Variants in SLC7A2 observed in about 807,000 individuals in gnomAD.
SLC7A2 encodes cationic amino acid transporter 2.
SLC7A2 carries 48 observed loss-of-function variants against 58.9 expected under a neutral mutation model. The observed-to-expected ratio is 0.82, with a 90% CI of 0.65 to 1.04. SLC7A2 has a LOEUF of 1.04. Among genes scored for constraint, SLC7A2 ranks in the 50% least tolerant of loss-of-function variants. The pLI is 0.00. For synonymous variants in SLC7A2, 363 were observed against 314.5 expected, an observed-to-expected ratio of 1.15 and a Z score of -1.63; for missense variants, 1,029 against 818.8, an observed-to-expected ratio of 1.26 and a Z score of -3.13.
At chr8:17,537,870 TTTC>T (rs1801741886) in intron 2 of SLC7A2, among the ~76,000 whole-genome samples, 2 of 152,194 alleles carry the variant, frequency 1.3e-5, no homozygotes, top group African/African-American at 4.8e-5. Context: ...AGGGCTTTGC[TTTC>T]TTCATTTCAA....
At chr8:17,521,498 A>T (rs974146054) in intron 2 of SLC7A2, among the ~76,000 whole-genome samples, 32 of 152,192 alleles carry the variant, frequency 2.1e-4, no homozygotes, top group African/African-American at 7.2e-4. Context: ...GGGAGTTCTG[A>T]TGTTTCATTC....
At chr8:17,502,162 G>A (rs1177928231) in intron 1 of SLC7A2, 95 bp from the exon 2 acceptor site, 1 of 150,952 alleles carries the variant, frequency 6.6e-6, no homozygotes, top group Non-Finnish European at 1.5e-5. Context: ...AAGGTGAGAG[G>A]ATCGCTTGAG....
rs562875688 is a variant in SLC7A2, at chr8:17,525,581, C to T, written c.-22-17737C>T. On this transcript the variant is annotated intron_variant, in intron 2 of 12. Transcript: ENST00000494857. ...CCTGAGGGAGGTGCAGGTGATAATC[C>T]GGGAGGATTTGTTTGCTAGGGTTTT... Among the ~76,000 whole-genome samples, 98 of 152,118 alleles carry T rather than the reference C, an allele frequency of 6.4e-4. 1 individual carries two copies. The highest frequency in any genetic ancestry group is 3.3e-3 in the Admixed American group (51 of 15,260).
chr8:17,502,218 G>A (rs1230255724), intron 1 of SLC7A2, 39 bp from the exon 2 acceptor site: 1 of 152,002 alleles, frequency 6.6e-6, no homozygotes, highest in Non-Finnish European at 1.5e-5. Context: ...GAAATCACAT[G>A]AGTCCTTTAG....
Position 17,548,863 on chromosome 8 carries a change from T to G in SLC7A2, c.698+20T>G. 6.3e-7 allele frequency: 1 copy of G among 1,580,692 alleles called. No individual in the cohort carries two copies. Among genetic ancestry groups the G allele is most frequent in the Non-Finnish European group, 8.6e-7 (1 of 1,166,292 alleles). Reference sequence around the variant, plus strand: ...TGCCAGGTAAAATATTTGAGGTTTTTTTTTTTCTCCTTCTTGTTTAAGAAA... The same window carrying G: ...TGCCAGGTAAAATATTTGAGGTTTTGTTTTTTCTCCTTCTTGTTTAAGAAA... On this transcript the variant is annotated intron_variant, in intron 5 of 12. Coordinates refer to ENST00000494857, the MANE Select transcript of SLC7A2 (RefSeq NM_001370338.1).
intron 2 of SLC7A2, among the ~76,000 whole-genome samples, chr8:17,535,415 C>A (rs1801622704): frequency 6.6e-6 from 1 of 152,122 alleles, no homozygotes; most frequent in East Asian, 1.9e-4. Flanking sequence ...AGTTAGGAGC[C>A]CTTGCAGTGC....
chr8:17,525,768 A>G (rs183397388), intron 2 of SLC7A2, among the ~76,000 whole-genome samples: 30 of 152,320 alleles, frequency 2.0e-4, no homozygotes, highest in Admixed American at 3.9e-4. Context: ...GCAAACCAGC[A>G]CATTCCTGCA....
At chr8:17,504,697 T>G (rs1204053155) in intron 2 of SLC7A2, among the ~76,000 whole-genome samples, 2 of 152,218 alleles carry the variant, frequency 1.3e-5, no homozygotes, top group Non-Finnish European at 2.9e-5. Flanking sequence ...ATACTCTTTT[T>G]AGGTAGAATT....
intron 2 of SLC7A2, among the ~76,000 whole-genome samples, chr8:17,524,785 G>T (rs541564937): frequency 6.6e-6 from 1 of 151,882 alleles, no homozygotes; most frequent in Non-Finnish European, 1.5e-5. Context: ...TGTGACTTCC[G>T]CATCTAATCC....
chr8:17,562,822 A>C (rs999987295), intron 11 of SLC7A2, among the ~76,000 whole-genome samples: 1 of 152,194 alleles, frequency 6.6e-6, no homozygotes, highest in African/African-American at 2.4e-5. Context: ...CTGCCTTCTC[A>C]TGAGAACTTT....
At chr8:17,528,141 A>C (rs2150704892) in intron 2 of SLC7A2, among the ~76,000 whole-genome samples, 1 of 152,166 alleles carries the variant, frequency 6.6e-6, no homozygotes, top group Admixed American at 6.5e-5. Context: ...GCTCAAGTGG[A>C]GGAGGAGGAA....
chr8:17,552,010 A>C, intron 7 of SLC7A2, 24 bp downstream of exon 7: 4 of 1,603,508 alleles, frequency 2.5e-6, no homozygotes, highest in Non-Finnish European at 3.4e-6. Flanking sequence ...CCTTTGGGGC[A>C]CGGGCTGTTT....
At chr8:17,539,512 T>C (rs1296345201) in intron 2 of SLC7A2, among the ~76,000 whole-genome samples, 1 of 152,172 alleles carries the variant, frequency 6.6e-6, no homozygotes, top group East Asian at 1.9e-4. Context: ...GTCTCAGCAA[T>C]TAATAAAATA....
intron 2 of SLC7A2, among the ~76,000 whole-genome samples, 194 bp downstream of exon 2, chr8:17,502,496 T>C (rs986100768): frequency 6.6e-6 from 1 of 152,196 alleles, no homozygotes; most frequent in Non-Finnish European, 1.5e-5. Flanking sequence ...AAAAGAATCT[T>C]TACTGGACTT....
At chr8:17,535,857 C>A (rs1563457344) in intron 2 of SLC7A2, among the ~76,000 whole-genome samples, 1 of 151,942 alleles carries the variant, frequency 6.6e-6, no homozygotes, top group Non-Finnish European at 1.5e-5. Context: ...GAGCCGAGAT[C>A]ATGCCACTGC....
upstream of SLC7A2, among the ~76,000 whole-genome samples, chr8:17,494,969 A>G (rs1356009806): frequency 6.6e-6 from 1 of 152,238 alleles, no homozygotes; most frequent in Non-Finnish European, 1.5e-5. Context: ...AAAGATCGGT[A>G]TTCTGACAAA....
chr8:17,508,026 T>C (rs1800444560), intron 2 of SLC7A2, among the ~76,000 whole-genome samples: 1 of 152,160 alleles, frequency 6.6e-6, no homozygotes, highest in Admixed American at 6.6e-5. Flanking sequence ...TCATTAGGGT[T>C]TCAACCTCAT....
intron 2 of SLC7A2, among the ~76,000 whole-genome samples, chr8:17,541,479 C>G (rs536128860): frequency 6.6e-6 from 1 of 152,328 alleles, no homozygotes; most frequent in South Asian, 2.1e-4. Flanking sequence ...ACAGAAGATA[C>G]TGAAGATGTG....
At position 17,563,593 on chromosome 8, in the gene SLC7A2, T is replaced by C. The variant is rs1803123997; in HGVS notation, c.1672-10T>C. 5 of 1,531,860 alleles carry C rather than the reference T, an allele frequency of 3.3e-6. No homozygotes were observed. Among genetic ancestry groups the C allele is most frequent in the Non-Finnish European group, 4.5e-6 (5 of 1,109,842 alleles). 94.9% of individuals were successfully genotyped at this position (1,531,860 alleles called of 1,614,324 possible). A position where few individuals can be genotyped will look rare whatever the true frequency, so the allele number is the denominator to read the frequency against. On this transcript the variant is annotated splice_polypyrimidine_tract_variant and intron_variant, in intron 11 of 12. Coordinates refer to ENST00000494857, the MANE Select transcript of SLC7A2 (RefSeq NM_001370338.1). ...ATGAGTATGTTCAAAAGGATTGTTT[T>C]CCCCCTCAGGTTCCATTCTTACCAT...
Sources: allele counts gnomAD v4.1 joint callset (sites outside exome capture counted in the v4.1 genomes callset), GRCh38; gene constraint gnomAD v4.1.1; transcripts MANE v1.5; gene names NCBI Gene and HGNC (gene_info 2026-07-23, HGNC 2026-07-21).